Variants in DACH1 observed in about 807,000 individuals in gnomAD.
DACH1 encodes the protein dachshund family transcription factor 1.
In DACH1, 12 loss-of-function variants were observed where a neutral mutation model predicts 54.2. That is an observed-to-expected ratio of 0.22 (90% CI 0.14 to 0.36). The LOEUF (loss-of-function observed/expected upper bound fraction) is 0.36, where lower values mean the gene tolerates loss of function less well. Ranked by LOEUF, DACH1 falls within the 10% of genes least tolerant of loss-of-function variation. DACH1 has a pLI of 1.00. For synonymous variants in DACH1, 386 were observed against 366.2 expected (o/e 1.05, Z -0.62); for missense variants, 805 against 929.8 (o/e 0.87, Z 1.75).
chr13:71,541,925 G>GTTTTTTTTT (rs397720054), intron 6 of DACH1, among the ~76,000 whole-genome samples: 13 of 105,834 alleles, frequency 1.2e-4, no homozygotes, highest in East Asian at 5.5e-4. Context: ...TATTTGCCCA[G>GTTTTTTTTT]TTTTTTTTTT....
intron 10 of DACH1, among the ~76,000 whole-genome samples, chr13:71,447,263 C>G (rs1874549845): frequency 6.6e-6 from 1 of 151,958 alleles, no homozygotes; most frequent in African/African-American, 2.4e-5. Flanking sequence ...CAGTTGCAAC[C>G]ATCAAATCAG....
At chr13:71,718,462 T>C (rs111418410) in intron 1 of DACH1, among the ~76,000 whole-genome samples, 2,647 of 151,012 alleles carry the variant, frequency 0.018, 67 homozygotes, top group African/African-American at 0.054. Flanking sequence ...GTGGTGCACC[T>C]ATACTCCCAG....
chr13:71,622,268 A>G (rs915854721), intron 3 of DACH1, among the ~76,000 whole-genome samples: 7 of 152,132 alleles, frequency 4.6e-5, no homozygotes, highest in Non-Finnish European at 7.4e-5. Flanking sequence ...TGACAGGTGC[A>G]TTGGGCTCAG....
At chr13:71,538,963 A>T (rs1373354951) in intron 6 of DACH1, among the ~76,000 whole-genome samples, 2 of 152,096 alleles carry the variant, frequency 1.3e-5, no homozygotes, top group Non-Finnish European at 2.9e-5. Context: ...TGTTTATCAC[A>T]TAAAAGTCAT....
chr13:71,459,556 G>A (rs908698712), intron 10 of DACH1, among the ~76,000 whole-genome samples: 1 of 151,920 alleles, frequency 6.6e-6, no homozygotes, highest in Non-Finnish European at 1.5e-5. Context: ...TAAACCATAT[G>A]AAAGCATAGA....
intron 1 of DACH1, among the ~76,000 whole-genome samples, chr13:71,807,775 C>A (rs1009945942): frequency 6.6e-6 from 1 of 152,030 alleles, no homozygotes; most frequent in African/African-American, 2.4e-5. Flanking sequence ...ATTTTTACTC[C>A]TATCCAAATA....
intron 6 of DACH1, among the ~76,000 whole-genome samples, chr13:71,504,812 A>G (rs936167348): frequency 1.3e-5 from 2 of 152,138 alleles, no homozygotes; most frequent in Non-Finnish European, 2.9e-5. Context: ...ATTTTTCTAT[A>G]TATTTCCTTA....
At chr13:71,622,968 G>T (rs1435055308) in intron 3 of DACH1, among the ~76,000 whole-genome samples, 1 of 151,496 alleles carries the variant, frequency 6.6e-6, no homozygotes, top group African/African-American at 2.4e-5. Flanking sequence ...TCATGAAGTG[G>T]AATAGACATC....
At position 71,749,136 on chromosome 13, in the gene DACH1, C is replaced by T. The variant is rs1460574417; in HGVS notation, c.849-67226G>A. On this transcript the variant is annotated intron_variant, in intron 1 of 10. Coordinates refer to ENST00000613252, the MANE Select transcript of DACH1 (RefSeq NM_080759.6). ...AGTCACTGGGATTACAGGTGCCTGCCACCATGCCCAGCTAATTTTGTATTT... is the reference window on the plus strand; with the variant it reads ...AGTCACTGGGATTACAGGTGCCTGCTACCATGCCCAGCTAATTTTGTATTT... Among the ~76,000 whole-genome samples, 3 of 151,732 alleles carry T rather than the reference C, an allele frequency of 2.0e-5. No individual in the cohort carries two copies. The East Asian group carries it at 5.8e-4, about 29-fold the overall frequency.
At position 71,866,873 on chromosome 13, in the gene DACH1, GCAA is replaced by G. The variant is rs542685958; in HGVS notation, c.-107_-105del. The G allele has an allele frequency of 3.2e-4, 215 of 682,362 alleles. 3 individuals carry two copies. The East Asian group carries it at 0.011, about 34-fold the overall frequency. 42.3% of individuals were successfully genotyped at this position (682,362 alleles called of 1,614,324 possible). On this transcript the variant is annotated 5_prime_UTR_variant, in exon 1 of 11. Coordinates refer to ENST00000613252, the MANE Select transcript of DACH1 (RefSeq NM_080759.6). The stretch of plus-strand genomic sequence containing the variant: ...AAAGGGGGGAGAAGGAGCGAGGGGG[GCAA>G]CAACAACTCCGGGAGAGAACGAGAA...
chr13:71,743,963 A>G (rs1884505831), intron 1 of DACH1, among the ~76,000 whole-genome samples: 1 of 152,186 alleles, frequency 6.6e-6, no homozygotes. Flanking sequence ...AAACGAAAAT[A>G]TAACAAAGGA....
At chr13:71,538,375 CAA>C (rs892248223) in intron 6 of DACH1, among the ~76,000 whole-genome samples, 1 of 132,924 alleles carries the variant, frequency 7.5e-6, no homozygotes, top group Non-Finnish European at 1.6e-5. Flanking sequence ...TTGTTTTCCT[CAA>C]AAAAAAAAAA....
chr13:71,671,310 G>T (rs531762780), intron 2 of DACH1, among the ~76,000 whole-genome samples: 20 of 151,770 alleles, frequency 1.3e-4, no homozygotes, highest in African/African-American at 4.6e-4. Context: ...AAAAGTATCC[G>T]TTAGCTTTAC....
At chr13:71,549,687 T>C (rs1357489418) in intron 6 of DACH1, among the ~76,000 whole-genome samples, 1 of 152,086 alleles carries the variant, frequency 6.6e-6, no homozygotes, top group East Asian at 2.0e-4. Context: ...GCTTGTATGA[T>C]AAATTCCTGG....
At chr13:71,475,633 C>T (rs1364191807) in intron 9 of DACH1, 73 bp downstream of exon 9, 1 of 1,490,858 alleles carries the variant, frequency 6.7e-7, no homozygotes, top group South Asian at 1.3e-5. Flanking sequence ...TACAAAACTA[C>T]AAACACATGC....
At chr13:71,706,760 G>A (rs1246323561) in intron 1 of DACH1, among the ~76,000 whole-genome samples, 2 of 151,950 alleles carry the variant, frequency 1.3e-5, no homozygotes, top group African/African-American at 4.8e-5. Flanking sequence ...GTTGAAAAAT[G>A]TTAAAATGCA....
At chr13:71,496,320 G>C (rs1363779165) in intron 6 of DACH1, among the ~76,000 whole-genome samples, 4 of 82,166 alleles carry the variant, frequency 4.9e-5, no homozygotes, top group African/African-American at 2.0e-4. Flanking sequence ...CACACAAAAA[G>C]ATATGCAACA....
intron 2 of DACH1, among the ~76,000 whole-genome samples, chr13:71,657,572 C>CA (rs1435992220): frequency 0.011 from 160 of 15,130 alleles, 1 homozygote; most frequent in Non-Finnish European, 0.021. Flanking sequence ...GACCCTGTCT[C>CA]AAATAAAAAA....
chr13:71,809,735 A>C (rs1353243752), intron 1 of DACH1, among the ~76,000 whole-genome samples: 1 of 152,224 alleles, frequency 6.6e-6, no homozygotes, highest in Non-Finnish European at 1.5e-5. Context: ...ATAATTCTTC[A>C]ATACCAGAAC....
Sources: gnomAD v4.1 joint callset for allele counts (sites outside exome capture counted in the v4.1 genomes callset) on GRCh38, gnomAD v4.1.1 for gene constraint, MANE v1.5 for transcripts, NCBI Gene and HGNC (gene_info 2026-07-23, HGNC 2026-07-21) for gene names.